TENM1: variants seen among roughly 807,000 people sequenced by gnomAD.
The protein encoded by TENM1 is teneurin transmembrane protein 1, also known as teneurin-1.
Under a neutral mutation model 174.8 loss-of-function variants are expected in TENM1, and 35 were observed. The observed-to-expected ratio is 0.20, with a 90% CI of 0.15 to 0.27. The LOEUF (loss-of-function observed/expected upper bound fraction) is 0.27, where lower values mean the gene tolerates loss of function less well. Ranked by LOEUF, TENM1 falls within the 10% of genes least tolerant of loss-of-function variation. TENM1 has a pLI of 1.00. For synonymous variants in TENM1, 781 were observed against 798.7 expected (o/e 0.98, Z 0.37); for missense variants, 1,633 against 2,130.1 (o/e 0.77, Z 4.59).
At chrX:124,600,171 C>A (rs186240705) in intron 11 of TENM1, among the ~76,000 whole-genome samples, 4 of 109,896 alleles carry the variant, frequency 3.6e-5, no homozygotes, top group Non-Finnish European at 7.6e-5. Context: ...AATACCACGC[C>A]GAGAAAAGAA....
At chrX:124,714,885 T>A (rs903085685) in intron 4 of TENM1, among the ~76,000 whole-genome samples, 2 of 111,505 alleles carry the variant, frequency 1.8e-5, no homozygotes, top group Non-Finnish European at 3.8e-5. Context: ...CTCTTCATAA[T>A]AATGCCCTTT....
the TENM1 span, among the ~76,000 whole-genome samples, chrX:125,060,849 T>C: frequency 1.8e-5 from 2 of 111,413 alleles, no homozygotes; most frequent in African/African-American, 6.5e-5. Flanking sequence ...AGTCTGATAT[T>C]AAATTTGAAT....
At chrX:125,074,535 C>T in the TENM1 span, among the ~76,000 whole-genome samples, 13 of 111,001 alleles carry the variant, frequency 1.2e-4, no homozygotes, top group African/African-American at 4.3e-4. Flanking sequence ...AAGCCCACTG[C>T]TCCTCGACAA....
chrX:124,953,320 G>A (rs186023870), intron 1 of TENM1, among the ~76,000 whole-genome samples: 40 of 111,819 alleles, frequency 3.6e-4, no homozygotes, highest in African/African-American at 1.2e-3. Flanking sequence ...GAAACCCTCC[G>A]AGGTTCCCTG....
At chrX:124,497,204 T>G (rs1465170139) in exon 20 of TENM1, 2 of 1,208,919 alleles carry the variant, frequency 1.7e-6, no homozygotes, top group Admixed American at 2.2e-5. Flanking sequence ...CCATTATGGT[T>G]GATATGACTG....
chrX:124,901,125 A>T (rs1023675497), intron 1 of TENM1, among the ~76,000 whole-genome samples: 3 of 110,946 alleles, frequency 2.7e-5, no homozygotes, highest in Admixed American at 9.6e-5. Flanking sequence ...TCTAGGGTGT[A>T]CTTTTGTCCT....
chrX:124,475,180 T>C (rs762946261), intron 22 of TENM1, among the ~76,000 whole-genome samples: 2 of 110,773 alleles, frequency 1.8e-5, no homozygotes, highest in African/African-American at 3.3e-5. Context: ...ACACGGAGGC[T>C]ATCAAGATGA....
intron 11 of TENM1, among the ~76,000 whole-genome samples, chrX:124,599,878 A>G (rs2046742220): frequency 9.0e-6 from 1 of 110,694 alleles, no homozygotes; most frequent in African/African-American, 3.3e-5. Flanking sequence ...AGTTACAAAT[A>G]TGAAAAAGGA....
the TENM1 span, among the ~76,000 whole-genome samples, chrX:124,999,499 C>T: frequency 9.0e-6 from 1 of 110,853 alleles, no homozygotes; most frequent in Admixed American, 9.6e-5. Flanking sequence ...GACAAAGAGT[C>T]TAATTCAAAT....
At chrX:124,796,795 A>G (rs1329209216) in intron 3 of TENM1, among the ~76,000 whole-genome samples, 1 of 111,715 alleles carries the variant, frequency 9.0e-6, no homozygotes, top group Non-Finnish European at 1.9e-5. Context: ...AAGGAATTTG[A>G]CATTTATTGT....
chrX:124,563,756 A>G (rs1264520074), exon 13 of TENM1: 2 of 1,192,247 alleles, frequency 1.7e-6, no homozygotes, highest in Non-Finnish European at 2.3e-6. Flanking sequence ...TACCTCGGAC[A>G]GCATCTAAGT....
At chrX:124,925,428 T>C (rs1478748572) in intron 1 of TENM1, among the ~76,000 whole-genome samples, 3 of 112,131 alleles carry the variant, frequency 2.7e-5, no homozygotes. Context: ...GAATTACTTG[T>C]TAATTATGCT....
the TENM1 span, among the ~76,000 whole-genome samples, chrX:125,191,131 A>T: frequency 1.8e-5 from 2 of 111,660 alleles, no homozygotes; most frequent in African/African-American, 6.5e-5. Context: ...AAATATCTGA[A>T]ATGAAGTTTT....
the TENM1 span, among the ~76,000 whole-genome samples, chrX:124,994,183 A>G: frequency 9.8e-6 from 1 of 102,252 alleles, no homozygotes; most frequent in East Asian, 3.1e-4. Flanking sequence ...TCATTAACTC[A>G]TGACACAATC....
At chrX:124,966,566 G>A (rs775593713), upstream of TENM1, among the ~76,000 whole-genome samples, 62 of 107,066 alleles carry the variant, frequency 5.8e-4, no homozygotes, top group African/African-American at 2.1e-3. Flanking sequence ...GGAGGCTGAG[G>A]CAGGAGAATG....
chrX:124,528,585 CA>C (rs958651998), intron 16 of TENM1, among the ~76,000 whole-genome samples: 3 of 110,126 alleles, frequency 2.7e-5, no homozygotes, highest in Admixed American at 9.7e-5. Context: ...TTCCGTTATT[CA>C]ATCTAATTGG....
chrX:125,188,611 T>C, the TENM1 span, among the ~76,000 whole-genome samples: 1 of 111,750 alleles, frequency 8.9e-6, no homozygotes, highest in African/African-American at 3.3e-5. Context: ...AGACAATACT[T>C]AAATGCCATA....
At chrX:124,497,263 T>C in exon 20 of TENM1, 3 of 1,196,604 alleles carry the variant, frequency 2.5e-6, no homozygotes, top group Non-Finnish European at 3.4e-6. Context: ...TTATGTATGA[T>C]TCCTAGATTC....
At chrX:125,186,149 T>C in the TENM1 span, among the ~76,000 whole-genome samples, 1 of 111,564 alleles carries the variant, frequency 9.0e-6, no homozygotes, top group East Asian at 2.8e-4. Context: ...ATTAAAATTG[T>C]CCTTTACAAT....
Sources: gnomAD v4.1 joint callset for allele counts (sites outside exome capture counted in the v4.1 genomes callset) on GRCh38, gnomAD v4.1.1 for gene constraint, MANE v1.5 for transcripts, NCBI Gene and HGNC (gene_info 2026-07-23, HGNC 2026-07-21) for gene names.